SLC6A5: variants seen among roughly 807,000 people sequenced by gnomAD.
The protein encoded by SLC6A5 is sodium- and chloride-dependent glycine transporter 2.
In SLC6A5, 58 loss-of-function variants were observed where a neutral mutation model predicts 90.5. The ratio of observed to expected loss-of-function variants is 0.64; its 90% CI spans 0.52 to 0.80. The LOEUF (loss-of-function observed/expected upper bound fraction) is 0.80. Ranked by LOEUF, SLC6A5 falls within the 30% of genes least tolerant of loss-of-function variation. The pLI is 0.00. For missense variants in SLC6A5, 1,015 were observed against 1,017.6 expected (o/e 1.00, Z 0.03); for synonymous variants, 427 against 401.4 (o/e 1.06, Z -0.76).
At chr11:20,610,172 T>C (rs962591033) in intron 5 of SLC6A5, among the ~76,000 whole-genome samples, 1 of 152,262 alleles carries the variant, frequency 6.6e-6, no homozygotes, top group Admixed American at 6.5e-5. Context: ...GCTTCCAATT[T>C]AGCACGATCA....
At position 20,646,871 on chromosome 11, in the gene SLC6A5, T is replaced by C; in HGVS notation, c.2007T>C (p.Ile669=). 6.2e-7 allele frequency: 1 copy of C among 1,613,812 alleles called. No homozygotes were observed. The highest frequency in any genetic ancestry group is 1.1e-5 in the South Asian group (1 of 91,066). Residue 669 remains isoleucine, a synonymous_variant, in exon 14 of 16, where the codon ATT becomes ATC. Coordinates refer to ENST00000525748, the MANE Select transcript of SLC6A5 (RefSeq NM_004211.5). The part of the protein sequence containing the change: ...QRFCEDIEMM[I]GFQPNIFWKV... The stretch of plus-strand genomic sequence containing the variant: ...TCTGTGAAGATATAGAGATGATGAT[T>C]GGATTCCAGCCTAACATCTTCTGGA...
intron 9 of SLC6A5, 72 bp from the exon 10 acceptor site, chr11:20,630,619 G>A (rs944017054): frequency 1.3e-6 from 2 of 1,563,882 alleles, no homozygotes; most frequent in African/African-American, 2.7e-5. Flanking sequence ...GCACACATTT[G>A]TGTGTCCTTC....
At chr11:20,638,436 T>A (rs764932615) in intron 12 of SLC6A5, 23 bp from the exon 13 acceptor site, 1 of 1,444,108 alleles carries the variant, frequency 6.9e-7, no homozygotes, top group South Asian at 1.1e-5. Flanking sequence ...CATTTGATAT[T>A]GGTTGTTTCT....
Position 20,637,183 on chromosome 11 carries a change from C to T in SLC6A5, c.1749C>T (p.Ile583=), listed in dbSNP as rs372092287. Residue 583 remains isoleucine (I), a synonymous_variant, in exon 12 of 16, where the codon ATC becomes ATT. Coordinates refer to ENST00000525748, the MANE Select transcript of SLC6A5 (RefSeq NM_004211.5). The part of the protein sequence containing the change: ...TLGLDTMFAT[I]ETIVTSISDE... ...TGACACGGTTCCAGTTTGCCACCAT[C>T]GAGACCATAGTGACCTCCATCTCAG... The T allele has an allele frequency of 8.1e-6, 13 of 1,613,870 alleles. No individual in the cohort carries two copies. Among genetic ancestry groups the T allele is most frequent in the African/African-American group, 4.0e-5 (3 of 74,888 alleles).
In SLC6A5 at chr11:20,654,811, C is replaced by T; in HGVS notation, c.2337C>T (p.Thr779=). 6.2e-7 allele frequency: 1 copy of T among 1,614,178 alleles called. No homozygotes were observed. Among genetic ancestry groups the T allele is most frequent in the Non-Finnish European group, 8.5e-7 (1 of 1,180,030 alleles). ...AGAACATGATCGACCCCTTGGGAAC[C>T]TCTTCCTTGGGACTCAAACTGCCAG... is the stretch of plus-strand genomic sequence containing the variant. ...RYKNMIDPLG[T]SSLGLKLPVK... is the part of the protein sequence containing the mutation. Residue 779 remains threonine (T), a synonymous_variant, in exon 16 of 16, where the codon ACC becomes ACT. Coordinates refer to ENST00000525748, the MANE Select transcript of SLC6A5 (RefSeq NM_004211.5).
chr11:20,652,677 G>T (rs959996309), intron 15 of SLC6A5, among the ~76,000 whole-genome samples: 10 of 152,190 alleles, frequency 6.6e-5, no homozygotes, highest in African/African-American at 2.4e-4. Flanking sequence ...TTATTATGCT[G>T]GTCCTCAGTG....
intron 13 of SLC6A5, among the ~76,000 whole-genome samples, chr11:20,644,874 C>T (rs1290797561): frequency 1.3e-5 from 2 of 151,524 alleles, no homozygotes; most frequent in African/African-American, 2.4e-5. Flanking sequence ...TGCAGTGGTG[C>T]GATCTCATCT....
chr11:20,604,229 G>A, intron 2 of SLC6A5, 57 bp from the exon 3 acceptor site: 4 of 1,557,872 alleles, frequency 2.6e-6, no homozygotes, highest in Non-Finnish European at 3.5e-6. Context: ...GGGTGGAAGG[G>A]GCCTGCTTGT....
chr11:20,657,145 A>G lies in SLC6A5; in HGVS notation c.*2277A>G, dbSNP rs748546769. ...CTTGGCTAAAACTCTGATTGAGCCA[A>G]TGGTTGCAGTCTGATGCTGGACGCC... is the stretch of plus-strand genomic sequence containing the variant. On this transcript the variant is annotated 3_prime_UTR_variant, in exon 16 of 16. Coordinates refer to ENST00000525748, the MANE Select transcript of SLC6A5 (RefSeq NM_004211.5). 5 of 149,016 alleles carry G rather than the reference A, an allele frequency of 3.4e-5. No individual in the cohort carries two copies. The highest frequency in any genetic ancestry group is 7.4e-5 in the African/African-American group (3 of 40,580). The allele number at this position is 149,016 out of a possible 1,614,324, so 9.2% of individuals were successfully genotyped here. A position where few individuals can be genotyped will look rare whatever the true frequency, so the allele number is the denominator to read the frequency against.
At position 20,656,324 on chromosome 11, in the gene SLC6A5, C is replaced by T. The variant is rs924020735; in HGVS notation, c.*1456C>T. 11 of 151,852 alleles carry T rather than the reference C, an allele frequency of 7.2e-5. No individual in the cohort carries two copies. The highest frequency in any genetic ancestry group is 2.0e-4 in the Admixed American group (3 of 15,254). The allele number at this position is 151,852 out of a possible 1,614,324, so 9.4% of individuals were successfully genotyped here. A position where few individuals can be genotyped will look rare whatever the true frequency, so the allele number is the denominator to read the frequency against. On this transcript the variant is annotated 3_prime_UTR_variant, in exon 16 of 16. Coordinates refer to ENST00000525748, the MANE Select transcript of SLC6A5 (RefSeq NM_004211.5). Reference sequence around the variant, plus strand: ...AGTGTAGTCTGGGGATTTTATTTTCCCTTACAGTAATAATATCTAAACCTA... The same window carrying T: ...AGTGTAGTCTGGGGATTTTATTTTCTCTTACAGTAATAATATCTAAACCTA...
At chr11:20,600,985 T>C in intron 1 of SLC6A5, 144 bp from the exon 2 acceptor site, 2 of 777,710 alleles carry the variant, frequency 2.6e-6, no homozygotes, top group South Asian at 3.8e-5. Context: ...ATTGCAGCCT[T>C]TCTTTTAAAA....
At chr11:20,606,056 A>G (rs138513251) in intron 3 of SLC6A5, among the ~76,000 whole-genome samples, 56 of 152,358 alleles carry the variant, frequency 3.7e-4, no homozygotes, top group African/African-American at 1.3e-3. Context: ...GCGCTCGCGC[A>G]TCTCCAGTGC....
chr11:20,631,219 G>A (rs1276744995), intron 10 of SLC6A5, among the ~76,000 whole-genome samples: 1 of 152,172 alleles, frequency 6.6e-6, no homozygotes, highest in Non-Finnish European at 1.5e-5. Context: ...AGGCCCTGTC[G>A]AAACCAAGGC....
At chr11:20,617,642 G>A (rs1852806583) in intron 6 of SLC6A5, 110 bp from the exon 7 acceptor site, 1 of 918,994 alleles carries the variant, frequency 1.1e-6, no homozygotes, top group Non-Finnish European at 1.8e-6. Context: ...GGAGGATGCT[G>A]GGGTTTTGTG....
chr11:20,601,709 G>A, intron 2 of SLC6A5, 44 bp downstream of exon 2: 1 of 1,571,664 alleles, frequency 6.4e-7, no homozygotes, highest in East Asian at 2.4e-5. Context: ...CTGCTCTCCA[G>A]CTGCGCGAGA....
chr11:20,619,313 C>T (rs1852845598), intron 7 of SLC6A5, among the ~76,000 whole-genome samples: 1 of 152,226 alleles, frequency 6.6e-6, no homozygotes, highest in Non-Finnish European at 1.5e-5. Context: ...GCCACATAGA[C>T]CGAACTGTCT....
In SLC6A5 at chr11:20,630,809, G is replaced by A. The variant is rs549485836; in HGVS notation, c.1618G>A (p.Asp540Asn). 2 of 1,614,178 alleles carry A rather than the reference G, an allele frequency of 1.2e-6. No homozygotes were observed. The highest frequency in any genetic ancestry group is 1.7e-5 in the Admixed American group (1 of 60,030). Reference protein sequence around the residue: ...ERKVNIENVADQGPGIAFVVY... With the variant: ...ERKVNIENVANQGPGIAFVVY... ...CAAAGTCAACATTGAGAATGTGGCA[G>A]ACCAAGGTACAGGACAGTTGTTACC... Residue 540 changes from aspartate to asparagine, a missense_variant, in exon 10 of 16, where the codon GAC becomes AAC. This residue lies in a region of SLC6A5 where 442 missense variants were observed against 494.3 expected (regional missense o/e 0.89). Coordinates refer to ENST00000525748, the MANE Select transcript of SLC6A5 (RefSeq NM_004211.5).
chr11:20,640,291 G>C (rs748942491), intron 13 of SLC6A5, among the ~76,000 whole-genome samples: 1 of 152,288 alleles, frequency 6.6e-6, no homozygotes, highest in East Asian at 1.9e-4. Flanking sequence ...CAAAGGGCAC[G>C]TTTGCACAGT....
intron 12 of SLC6A5, among the ~76,000 whole-genome samples, chr11:20,637,708 G>A (rs929085246): frequency 3.9e-5 from 6 of 152,166 alleles, no homozygotes; most frequent in Non-Finnish European, 8.8e-5. Context: ...GGGCAACATC[G>A]TGGGACCCTG....
Sources: gnomAD v4.1 joint callset for allele counts (sites outside exome capture counted in the v4.1 genomes callset) on GRCh38, gnomAD v4.1.1 for gene constraint, gnomAD v4.1.1 regional missense constraint, MANE v1.5 for transcripts, NCBI Gene and HGNC (gene_info 2026-07-23, HGNC 2026-07-21) for gene names.